Variants in CNTNAP5 observed in about 807,000 individuals in gnomAD.
CNTNAP5 encodes the protein contactin-associated protein-like 5.
Under a neutral mutation model 150.2 loss-of-function variants are expected in CNTNAP5, and 72 were observed. The observed-to-expected ratio is 0.48, with a 90% CI of 0.40 to 0.58. The LOEUF is 0.58. Among genes scored for constraint, CNTNAP5 ranks in the 20% least tolerant of loss-of-function variants. CNTNAP5 has a pLI of 0.00. For missense variants in CNTNAP5, 1,636 were observed against 1,626.2 expected (o/e 1.01, Z -0.10); for synonymous variants, 672 against 619.8 (o/e 1.08, Z -1.25).
Position 124,221,802 on chromosome 2 carries a change from G to A in CNTNAP5, c.180G>A (p.Trp60Ter). ...CTCACAGCCCAGCTCAACTCAACTG[G>A]AGAGTTGGTAAGTAGGCTGACTGAA... ...TGTHSPAQLN[W>*]RVGTGGWSPA... is the part of the protein sequence containing the mutation. The change falls in exon 2 of 24, where the codon TGG becomes TGA. Residue 60 changes from tryptophan (W) to a stop codon, truncating the protein, a stop_gained. Transcript: ENST00000682447. LOFTEE classifies it high-confidence loss of function. 6.2e-7 allele frequency: 1 copy of A among 1,601,250 alleles called. No individual in the cohort carries two copies. Among genetic ancestry groups the A allele is most frequent in the Non-Finnish European group, 8.5e-7 (1 of 1,171,332 alleles).
At chr2:124,608,254 G>T (rs1677298659) in intron 11 of CNTNAP5, among the ~76,000 whole-genome samples, 2 of 152,120 alleles carry the variant, frequency 1.3e-5, no homozygotes, top group Non-Finnish European at 1.5e-5. Flanking sequence ...TGTAGCTGCT[G>T]CTCTGAGCAA....
intron 3 of CNTNAP5, among the ~76,000 whole-genome samples, chr2:124,393,049 A>C (rs556875695): frequency 2.0e-4 from 30 of 152,274 alleles, no homozygotes; most frequent in African/African-American, 6.7e-4. Context: ...TTGCAATCCC[A>C]AAATTTTCTG....
At chr2:124,801,343 G>A (rs1681961782) in intron 19 of CNTNAP5, among the ~76,000 whole-genome samples, 1 of 152,118 alleles carries the variant, frequency 6.6e-6, no homozygotes, top group South Asian at 2.1e-4. Context: ...AGAGGAAGCA[G>A]TCATGTTTCC....
intron 21 of CNTNAP5, among the ~76,000 whole-genome samples, chr2:124,883,941 C>A (rs1044646751): frequency 1.4e-4 from 21 of 151,002 alleles, no homozygotes; most frequent in Admixed American, 9.9e-4. Context: ...TCTGTGCTTG[C>A]AAATGTACAT....
intron 11 of CNTNAP5, among the ~76,000 whole-genome samples, chr2:124,602,071 G>A (rs190647939): frequency 9.2e-5 from 14 of 152,138 alleles, no homozygotes; most frequent in East Asian, 5.8e-4. Context: ...TCGGCCAGGC[G>A]CGGTGGCTCA....
At chr2:124,455,649 A>G (rs1693101471) in intron 6 of CNTNAP5, among the ~76,000 whole-genome samples, 1 of 152,170 alleles carries the variant, frequency 6.6e-6, no homozygotes, top group Non-Finnish European at 1.5e-5. Flanking sequence ...TGATGAACAT[A>G]GATGCAAAAA....
intron 13 of CNTNAP5, among the ~76,000 whole-genome samples, chr2:124,727,648 T>A (rs534531099): frequency 1.3e-5 from 2 of 152,192 alleles, no homozygotes; most frequent in South Asian, 4.1e-4. Flanking sequence ...ACTACTAAAT[T>A]GTAAATGTTG....
At chr2:124,345,003 G>A (rs1453976150) in intron 3 of CNTNAP5, among the ~76,000 whole-genome samples, 2 of 152,148 alleles carry the variant, frequency 1.3e-5, no homozygotes, top group East Asian at 1.9e-4. Context: ...TTCGGTGACT[G>A]CTTGTAAGAC....
chr2:124,142,576 G>A (rs1289348344), intron 1 of CNTNAP5, among the ~76,000 whole-genome samples: 3 of 136,290 alleles, frequency 2.2e-5, no homozygotes, highest in African/African-American at 8.5e-5. Context: ...AAATAAAGAT[G>A]TTCTTTGAAA....
In CNTNAP5 at chr2:124,759,835, G is replaced by A. The variant is rs1198356560; in HGVS notation, c.2235-3837G>A. On this transcript the variant is annotated intron_variant, in intron 14 of 23. Transcript: ENST00000682447. The stretch of plus-strand genomic sequence containing the variant: ...CACAGGGAGATGGATATTATCCTGG[G>A]GTAGACTGTATATTTGACCACTCAA... 2.6e-5 allele frequency among the ~76,000 whole-genome samples: 4 copies of A among 151,596 alleles called. No homozygotes were observed. In the East Asian group the frequency reaches 7.8e-4, roughly 30 times the overall value.
At chr2:124,858,657 G>A (rs1036909716) in intron 19 of CNTNAP5, among the ~76,000 whole-genome samples, 3 of 152,162 alleles carry the variant, frequency 2.0e-5, no homozygotes, top group African/African-American at 7.2e-5. Context: ...TTATAAGTTA[G>A]TATTTGCAAG....
chr2:124,567,586 C>A (rs2104935297), intron 11 of CNTNAP5, among the ~76,000 whole-genome samples: 1 of 152,252 alleles, frequency 6.6e-6, no homozygotes, highest in Admixed American at 6.5e-5. Context: ...CGAATAAAAA[C>A]AGTGTTTGCA....
chr2:124,568,917 G>A (rs1696091228), intron 11 of CNTNAP5, among the ~76,000 whole-genome samples: 1 of 152,128 alleles, frequency 6.6e-6, no homozygotes, highest in Admixed American at 6.5e-5. Flanking sequence ...GCGTGGCGGC[G>A]GACGCCTGTA....
rs752777199 is a variant in CNTNAP5, at chr2:124,567,760, C to T, written c.1756+4437C>T. The stretch of plus-strand genomic sequence containing the variant: ...AGGGTATATTTTGGTCATGGTATGT[C>T]ATATCTACTTTATTACAAATCCAAA... On this transcript the variant is annotated intron_variant, in intron 11 of 23. Transcript: ENST00000682447. Among the ~76,000 whole-genome samples, 14 of 151,932 alleles carry T rather than the reference C, an allele frequency of 9.2e-5. No individual in the cohort carries two copies. The South Asian group carries it at 1.7e-3, about 18-fold the overall frequency.
chr2:124,742,478 C>T (rs562648686), intron 13 of CNTNAP5, among the ~76,000 whole-genome samples: 2 of 152,214 alleles, frequency 1.3e-5, no homozygotes, highest in South Asian at 4.1e-4. Flanking sequence ...GCACTCAATG[C>T]TGACATTGCG....
intron 2 of CNTNAP5, 102 bp downstream of exon 2, chr2:124,221,911 G>A: frequency 1.4e-6 from 1 of 717,456 alleles, no homozygotes; most frequent in South Asian, 1.7e-5. Context: ...CATGTCCAAT[G>A]GCCGTCTTCA....
In CNTNAP5 at chr2:124,914,265, T is replaced by C. The variant is rs1356190382; in HGVS notation, c.3901T>C (p.Cys1301Arg). The change falls in exon 24 of 24, where the codon TGT (cysteine) becomes CGT (arginine). Residue 1301 changes from cysteine (C) to arginine (R), a missense_variant. Physicochemically the swap from Cys to Arg is radical, Grantham distance 180. Transcript: ENST00000682447. ...EIDLQNTVSE[C>R]KREYFI is the part of the protein sequence containing the mutation. ...TGACTTGCAAAACACAGTGAGCGAG[T>C]GTAAACGGGAATATTTCATCTGAGA... The C allele has an allele frequency of 1.2e-6, 2 of 1,611,830 alleles. No individual in the cohort carries two copies. The highest frequency in any genetic ancestry group is 2.2e-5 in the East Asian group (1 of 44,712).
rs937889679 is a variant in CNTNAP5, at chr2:124,306,049, C to T, written c.381+63656C>T. Among the ~76,000 whole-genome samples, 5 of 152,066 alleles carry T rather than the reference C, an allele frequency of 3.3e-5. No homozygotes were observed. In the South Asian group the frequency reaches 6.2e-4, roughly 19 times the overall value. ...TCTTCCTGCTTCTGGTGTATAATTC[C>T]GTCTCCTTAGCATCTTTTATTAGTC... On this transcript the variant is annotated intron_variant, in intron 3 of 23. Transcript: ENST00000682447.
intron 7 of CNTNAP5, among the ~76,000 whole-genome samples, chr2:124,484,417 G>T (rs1693824713): frequency 6.6e-6 from 1 of 152,182 alleles, no homozygotes; most frequent in Non-Finnish European, 1.5e-5. Flanking sequence ...TTTGAAGGAA[G>T]TAAGATTAAA....
Sources: allele counts gnomAD v4.1 joint callset (sites outside exome capture counted in the v4.1 genomes callset), GRCh38; gene constraint gnomAD v4.1.1; transcripts MANE v1.5; gene names NCBI Gene and HGNC (gene_info 2026-07-23, HGNC 2026-07-21).